The following FAM227A variants were observed in gnomAD, a reference collection of about 807,000 sequenced individuals.
The protein encoded by FAM227A is family with sequence similarity 227 member A, also known as protein FAM227A.
In FAM227A, 80 loss-of-function variants were observed where a neutral mutation model predicts 74.7. The ratio of observed to expected loss-of-function variants is 1.07; its 90% confidence interval spans 0.89 to 1.29. The LOEUF is 1.29. Ranked by LOEUF, FAM227A falls within the 50% of genes most tolerant of loss-of-function variation. FAM227A has a pLI of 0.00. For synonymous variants in FAM227A, 237 were observed against 241.8 expected (o/e 0.98, Z 0.19); for missense variants, 654 against 683.4 (o/e 0.96, Z 0.48).
At chr22:38,655,056 C>G (rs1186987571) in intron 1 of FAM227A, among the ~76,000 whole-genome samples, 1 of 150,596 alleles carries the variant, frequency 6.6e-6, no homozygotes, top group African/African-American at 2.4e-5. Context: ...AGGAGAATGG[C>G]GTGAACCCAG....
At chr22:38,602,938 A>G (rs1294375655) in intron 13 of FAM227A, among the ~76,000 whole-genome samples, 2 of 152,054 alleles carry the variant, frequency 1.3e-5, no homozygotes, top group Non-Finnish European at 2.9e-5. Context: ...CAGTGACGCA[A>G]TCTCTGCTCA....
intron 6 of FAM227A, among the ~76,000 whole-genome samples, chr22:38,635,418 A>G (rs1235473750): frequency 6.6e-6 from 1 of 151,888 alleles, no homozygotes; most frequent in Non-Finnish European, 1.5e-5. Context: ...TGCTTTGGGG[A>G]CAAGAGTTAT....
chr22:38,597,156 C>G, intron 15 of FAM227A, 48 bp downstream of exon 15: 1 of 1,536,614 alleles, frequency 6.5e-7, no homozygotes, highest in South Asian at 1.2e-5. Flanking sequence ...TCGTGTGCTG[C>G]AAAAGATAAG....
rs2090795781 is a variant in FAM227A at position 38,585,887 on chromosome 22, A to T, written c.*238T>A. The T allele has an allele frequency of 1.1e-6, 1 of 917,802 alleles. No individual in the cohort carries two copies. The highest frequency in any genetic ancestry group is 1.6e-6 in the Non-Finnish European group (1 of 631,566). 56.9% of individuals were successfully genotyped at this position (917,802 alleles called of 1,614,324 possible). A position where few individuals can be genotyped will look rare whatever the true frequency, so the allele number is the denominator to read the frequency against. ...GTAACATACTTACCAGCATGCACGTAATAAAATACTGAAAGAGTAAATCTA... is the reference window on the plus strand; with the variant it reads ...GTAACATACTTACCAGCATGCACGTTATAAAATACTGAAAGAGTAAATCTA... On this transcript the variant is annotated 3_prime_UTR_variant, in exon 17 of 17. Transcript: ENST00000535113.
chr22:38,623,094 G>C, intron 10 of FAM227A, 78 bp downstream of exon 10: 1 of 1,003,944 alleles, frequency 1.0e-6, no homozygotes, highest in Admixed American at 2.1e-5. Flanking sequence ...TCAATGCTAA[G>C]GCCTCTCCTC....
chr22:38,622,320 A>C (rs2091707652), intron 10 of FAM227A, among the ~76,000 whole-genome samples: 1 of 152,168 alleles, frequency 6.6e-6, no homozygotes, highest in Non-Finnish European at 1.5e-5. Flanking sequence ...GAATTCTTGA[A>C]TTCCTTCCTG....
In FAM227A at chr22:38,582,323, A is replaced by G; in HGVS notation, c.*3802T>C. The stretch of plus-strand genomic sequence containing the variant: ...ATAAGCAATTCAAAATCAGGACTAT[A>G]GGATTTTAACTTCATCTCTTCTAGT... On this transcript the variant is annotated 3_prime_UTR_variant, in exon 17 of 17. Transcript: ENST00000535113. 1 of 1,545,826 alleles carries G rather than the reference A, an allele frequency of 6.5e-7. No homozygotes were observed. The highest frequency in any genetic ancestry group is 8.7e-7 in the Non-Finnish European group (1 of 1,143,214).
intron 3 of FAM227A, among the ~76,000 whole-genome samples, chr22:38,640,403 C>A (rs577489975): frequency 1.3e-5 from 2 of 152,186 alleles, no homozygotes; most frequent in South Asian, 4.1e-4. Flanking sequence ...AAAGAGGCTA[C>A]CAGATAGGAG....
chr22:38,627,317 CA>C (rs2091829997), intron 8 of FAM227A, among the ~76,000 whole-genome samples: 1 of 151,938 alleles, frequency 6.6e-6, no homozygotes, highest in Admixed American at 6.6e-5. Flanking sequence ...CCTGTAATCC[CA>C]GCACTTTGGG....
chr22:38,601,657 G>A (rs112441947), intron 13 of FAM227A, among the ~76,000 whole-genome samples: 11 of 152,298 alleles, frequency 7.2e-5, no homozygotes, highest in African/African-American at 2.4e-4. Flanking sequence ...CAGGAGTTGG[G>A]GAATTGCTGA....
At chr22:38,643,646 T>A (rs1055903763) in intron 3 of FAM227A, among the ~76,000 whole-genome samples, 8 of 152,132 alleles carry the variant, frequency 5.3e-5, no homozygotes, top group African/African-American at 1.9e-4. Context: ...TTGTGCTCCC[T>A]GGTATTTACT....
At chr22:38,613,253 A>T (rs183812953) in intron 11 of FAM227A, among the ~76,000 whole-genome samples, 5 of 73,854 alleles carry the variant, frequency 6.8e-5, no homozygotes, top group Non-Finnish European at 1.2e-4. Context: ...ATAATATATA[A>T]CATATATTAT....
At chr22:38,624,531 T>C (rs2091757170) in intron 9 of FAM227A, among the ~76,000 whole-genome samples, 1 of 152,178 alleles carries the variant, frequency 6.6e-6, no homozygotes, top group Non-Finnish European at 1.5e-5. Flanking sequence ...TCCACTAATA[T>C]AAAACTCTCT....
intron 12 of FAM227A, 44 bp from the exon 13 acceptor site, chr22:38,605,392 C>T: frequency 3.4e-6 from 4 of 1,167,426 alleles, no homozygotes; most frequent in South Asian, 1.3e-5. Flanking sequence ...TAGGTTCAAG[C>T]AATTCTCGTG....
rs559164126 is a variant in FAM227A at position 38,639,609 on chromosome 22, A to G, written c.295+46T>C. 5.1e-5 allele frequency: 79 copies of G among 1,540,788 alleles called. No individual in the cohort carries two copies. The East Asian group carries it at 1.6e-3, about 32-fold the overall frequency. ...CAGTTGCATTTTAGATACTAAAAAA[A>G]CAAACCCCATGAAAAGAGCATCAAG... On this transcript the variant is annotated intron_variant, in intron 4 of 16. Transcript: ENST00000535113.
chr22:38,597,091 A>T (rs2091061770), intron 15 of FAM227A, 113 bp downstream of exon 15: 1 of 922,206 alleles, frequency 1.1e-6, no homozygotes, highest in Admixed American at 2.2e-5. Context: ...GATTATGCTT[A>T]TGATGGTTAC....
At chr22:38,611,722 T>C (rs1351707685) in intron 11 of FAM227A, among the ~76,000 whole-genome samples, 2 of 152,138 alleles carry the variant, frequency 1.3e-5, no homozygotes, top group Non-Finnish European at 2.9e-5. Context: ...TGCCCGTGGT[T>C]CCACTGTAGT....
intron 6 of FAM227A, 40 bp downstream of exon 6, chr22:38,636,411 T>A (rs752536192): frequency 1.9e-6 from 3 of 1,544,448 alleles, no homozygotes; most frequent in African/African-American, 2.7e-5. Flanking sequence ...ATTTGCCCCA[T>A]GGGTTGGCAA....
At chr22:38,592,969 A>G (rs1314710453) in intron 15 of FAM227A, among the ~76,000 whole-genome samples, 1 of 152,266 alleles carries the variant, frequency 6.6e-6, no homozygotes, top group Non-Finnish European at 1.5e-5. Context: ...TTCCATGGCT[A>G]AAACTTAGCC....
Sources: allele counts gnomAD v4.1 joint callset (sites outside exome capture counted in the v4.1 genomes callset), GRCh38; gene constraint gnomAD v4.1.1; transcripts MANE v1.5; gene names NCBI Gene and HGNC (gene_info 2026-07-23, HGNC 2026-07-21).